Variants in ARHGEF3 observed in about 807,000 individuals in gnomAD.
ARHGEF3 encodes the protein Rho guanine nucleotide exchange factor 3.
In ARHGEF3, 28 loss-of-function variants were observed where a neutral mutation model predicts 63.2. The ratio of observed to expected loss-of-function variants is 0.44; its 90% CI spans 0.33 to 0.61. The LOEUF is 0.61. Ranked by LOEUF, ARHGEF3 falls within the 20% of genes least tolerant of loss-of-function variation. The probability of loss-of-function intolerance (pLI) is 0.03; values close to 1 mark genes in which losing one functional copy is unlikely to be tolerated. For missense variants in ARHGEF3, 533 were observed against 659.3 expected (o/e 0.81, Z 2.10); for synonymous variants, 266 against 254.2 (o/e 1.05, Z -0.44).
chr3:56,954,453 G>A (rs368448481), intron 3 of ARHGEF3, among the ~76,000 whole-genome samples: 42 of 152,248 alleles, frequency 2.8e-4, no homozygotes, highest in Non-Finnish European at 4.6e-4. Flanking sequence ...GCCTCACAGC[G>A]AGACACCCCC....
intron 1 of ARHGEF3, among the ~76,000 whole-genome samples, chr3:57,048,102 T>C (rs1704534860): frequency 6.6e-6 from 1 of 152,020 alleles, no homozygotes; most frequent in Non-Finnish European, 1.5e-5. Context: ...CTTCAGAGGA[T>C]CCAGGTCTTC....
At chr3:56,853,256 AG>A (rs1283093364) in intron 4 of ARHGEF3, among the ~76,000 whole-genome samples, 3 of 151,708 alleles carry the variant, frequency 2.0e-5, no homozygotes, top group Admixed American at 1.3e-4. Context: ...ATTGTGTAGA[AG>A]GAAGCTCACA....
chr3:56,811,879 A>T (rs547439313), intron 4 of ARHGEF3, among the ~76,000 whole-genome samples: 4 of 151,996 alleles, frequency 2.6e-5, no homozygotes, highest in Non-Finnish European at 5.9e-5. Flanking sequence ...GTTGTCTGTG[A>T]CCCCCAGGCA....
intron 3 of ARHGEF3, among the ~76,000 whole-genome samples, chr3:56,920,746 G>C (rs995482942): frequency 6.6e-6 from 1 of 152,120 alleles, no homozygotes; most frequent in South Asian, 2.1e-4. Context: ...TTTAAAAATA[G>C]GTAGTAAAAA....
In ARHGEF3 at chr3:56,842,119, T is replaced by C. The variant is rs111684587; in HGVS notation, c.192+40173A>G. ...TTAAGTTCTCGGTTACCAAGTTAGTTATGGAGGCAAAATTTGAACTCAGTT... is the reference window on the plus strand; with the variant it reads ...TTAAGTTCTCGGTTACCAAGTTAGTCATGGAGGCAAAATTTGAACTCAGTT... On this transcript the variant is annotated intron_variant, in intron 4 of 12. Transcript: ENST00000338458. Among the ~76,000 whole-genome samples, 908 of 152,262 alleles carry C rather than the reference T, an allele frequency of 6.0e-3. 10 individuals are homozygous for C. Among genetic ancestry groups the C allele is most frequent in the African/African-American group, 0.02 (848 of 41,550 alleles).
intron 2 of ARHGEF3, among the ~76,000 whole-genome samples, chr3:56,987,960 G>A (rs1701607080): frequency 6.6e-6 from 1 of 152,168 alleles, no homozygotes; most frequent in Admixed American, 6.5e-5. Flanking sequence ...GCATAAATGG[G>A]ACTCCACAAA....
chr3:56,940,315 A>C (rs1446051088), intron 3 of ARHGEF3: 1 of 152,240 alleles, frequency 6.6e-6, no homozygotes, highest in Non-Finnish European at 1.5e-5. Context: ...AGGCCAAAGT[A>C]AAAGCATATT....
intron 2 of ARHGEF3, among the ~76,000 whole-genome samples, chr3:56,989,528 G>A (rs1457566273): frequency 6.6e-6 from 1 of 152,180 alleles, no homozygotes; most frequent in African/African-American, 2.4e-5. Flanking sequence ...CTGTGCCCAG[G>A]GGGCAGGGGG....
intron 3 of ARHGEF3, among the ~76,000 whole-genome samples, chr3:56,890,173 A>G (rs187417078): frequency 6.6e-6 from 1 of 152,382 alleles, no homozygotes; most frequent in Admixed American, 6.5e-5. Flanking sequence ...AACTAAGAGC[A>G]TAAATGAGAC....
At chr3:56,979,677 G>A (rs1389862226) in intron 2 of ARHGEF3, among the ~76,000 whole-genome samples, 1 of 152,196 alleles carries the variant, frequency 6.6e-6, no homozygotes, top group African/African-American at 2.4e-5. Flanking sequence ...GGCAACGCTG[G>A]GGCTCAGAGA....
At chr3:56,964,559 T>G (rs1402909432) in intron 2 of ARHGEF3, among the ~76,000 whole-genome samples, 1 of 152,194 alleles carries the variant, frequency 6.6e-6, no homozygotes, top group Admixed American at 6.5e-5. Flanking sequence ...CTACTACATG[T>G]CAGGCATGGT....
At chr3:56,866,044 G>C (rs574631995) in intron 4 of ARHGEF3, among the ~76,000 whole-genome samples, 1 of 152,186 alleles carries the variant, frequency 6.6e-6, no homozygotes, top group South Asian at 2.1e-4. Flanking sequence ...CTGCACCTGT[G>C]GTCCCAGCTA....
chr3:56,868,046 A>G (rs561936227), intron 4 of ARHGEF3, among the ~76,000 whole-genome samples: 1 of 152,280 alleles, frequency 6.6e-6, no homozygotes, highest in South Asian at 2.1e-4. Flanking sequence ...TACTAATAAC[A>G]ATGTACAGAA....
intron 1 of ARHGEF3, 37 bp from the exon 2 acceptor site, chr3:56,773,853 G>A: frequency 6.6e-7 from 1 of 1,512,084 alleles, no homozygotes; most frequent in Non-Finnish European, 9.0e-7. Context: ...AAAATGTCAA[G>A]GTCAATTGCA....
At chr3:56,970,360 A>G (rs542145365) in intron 2 of ARHGEF3, among the ~76,000 whole-genome samples, 4 of 152,278 alleles carry the variant, frequency 2.6e-5, no homozygotes, top group Non-Finnish European at 5.9e-5. Context: ...CCTATTAACT[A>G]CTCCAGAAGA....
rs76071985 is a variant in ARHGEF3 at position 56,903,937 on chromosome 3, C to T, written c.130-21583G>A. Among the ~76,000 whole-genome samples, 150 of 152,268 alleles carry T rather than the reference C, an allele frequency of 9.9e-4. 2 individuals are homozygous for T. In the East Asian group the frequency reaches 0.028, roughly 29 times the overall value. On this transcript the variant is annotated intron_variant, in intron 3 of 12. Coordinates refer to the ARHGEF3 transcript ENST00000338458. Reference sequence around the variant, plus strand: ...GGAGTGCAGAGGCATGATCACGGCTCACTGCAGCCTCAACCTCCTTGGCTC... The same window carrying T: ...GGAGTGCAGAGGCATGATCACGGCTTACTGCAGCCTCAACCTCCTTGGCTC...
intron 4 of ARHGEF3, among the ~76,000 whole-genome samples, chr3:56,863,036 G>A (rs1307104603): frequency 2.0e-5 from 3 of 152,120 alleles, no homozygotes; most frequent in African/African-American, 7.2e-5. Context: ...CCCTAACCAT[G>A]TCTTCTAACA....
At chr3:56,731,430 T>C (rs993475696) in intron 9 of ARHGEF3, among the ~76,000 whole-genome samples, 4 of 151,546 alleles carry the variant, frequency 2.6e-5, no homozygotes, top group African/African-American at 9.7e-5. Context: ...ACTTGGAAGG[T>C]TGAGACACGA....
chr3:56,793,722 C>A (rs1044430840), intron 1 of ARHGEF3, among the ~76,000 whole-genome samples: 12 of 152,078 alleles, frequency 7.9e-5, no homozygotes, highest in Admixed American at 7.9e-4. Context: ...CTTTACTGTT[C>A]CTTGTGTATG....
Sources: allele counts gnomAD v4.1 joint callset (sites outside exome capture counted in the v4.1 genomes callset), GRCh38; gene constraint gnomAD v4.1.1; transcripts MANE v1.5; gene names NCBI Gene and HGNC (gene_info 2026-07-23, HGNC 2026-07-21).